SLC2A13: variants seen among roughly 807,000 people sequenced by gnomAD.
The protein encoded by SLC2A13 is proton myo-inositol cotransporter.
A neutral mutation model predicts 64.4 loss-of-function variants in SLC2A13; 32 were observed. The ratio of observed to expected loss-of-function variants is 0.50; its 90% CI spans 0.37 to 0.67. The LOEUF is 0.67. Among genes scored for constraint, SLC2A13 ranks in the 30% least tolerant of loss-of-function variants. The pLI, the probability that SLC2A13 is intolerant of heterozygous loss-of-function variation, is 0.00. For synonymous variants in SLC2A13, 338 were observed against 327.1 expected (o/e 1.03, Z -0.36); for missense variants, 743 against 829.2 (o/e 0.90, Z 1.28).
intron 1 of SLC2A13, among the ~76,000 whole-genome samples, chr12:40,060,924 C>T (rs999491756): frequency 6.6e-6 from 1 of 152,038 alleles, no homozygotes; most frequent in Non-Finnish European, 1.5e-5. Flanking sequence ...AATCAAAAGA[C>T]ATGACAACAA....
chr12:40,084,510 C>T (rs1938527144), intron 1 of SLC2A13, among the ~76,000 whole-genome samples: 1 of 152,184 alleles, frequency 6.6e-6, no homozygotes, highest in South Asian at 2.1e-4. Context: ...CAAAATTCAA[C>T]CTAAGTCAGG....
chr12:40,045,906 A>T (rs1948164734), intron 2 of SLC2A13, among the ~76,000 whole-genome samples: 1 of 152,056 alleles, frequency 6.6e-6, no homozygotes, highest in South Asian at 2.1e-4. Context: ...TTTTTTCTCT[A>T]GTCTTCTGCC....
chr12:39,842,315 A>G lies in SLC2A13; in HGVS notation c.1320-12087T>C, dbSNP rs79376134. Among the ~76,000 whole-genome samples, 704 of 152,204 alleles carry G rather than the reference A, an allele frequency of 4.6e-3. 11 individuals carry two copies. The highest frequency in any genetic ancestry group is 0.016 in the African/African-American group (662 of 41,566). ...AAGTATGCAGGAGCATTCCTGTTTC[A>G]CAGATGAAGAAAACAAAGCTTGGAA... On this transcript the variant is annotated intron_variant, in intron 6 of 9. Coordinates refer to ENST00000280871, the MANE Select transcript of SLC2A13 (RefSeq NM_052885.4).
At chr12:39,802,984 C>A in intron 7 of SLC2A13, among the ~76,000 whole-genome samples, 1 of 152,062 alleles carries the variant, frequency 6.6e-6, no homozygotes, top group African/African-American at 2.4e-5. Context: ...GAAAAGAGGC[C>A]TCACTAGAGG....
At chr12:39,838,506 T>TAAA (rs5797639) in intron 6 of SLC2A13, among the ~76,000 whole-genome samples, 433 of 142,332 alleles carry the variant, frequency 3.0e-3, no homozygotes, top group African/African-American at 0.011. Flanking sequence ...AAAAATAAAT[T>TAAA]AAAAAAAAAA....
chr12:39,960,659 G>A (rs1417564112), intron 3 of SLC2A13, among the ~76,000 whole-genome samples: 2 of 151,654 alleles, frequency 1.3e-5, no homozygotes, highest in African/African-American at 2.4e-5. Context: ...GATTACAGGC[G>A]TGAGCCACCG....
chr12:40,028,509 C>G lies in SLC2A13; in HGVS notation c.717G>C (p.Arg239Ser), dbSNP rs780277498. The G allele has an allele frequency of 1.2e-6, 2 of 1,611,450 alleles. No individual in the cohort carries two copies. Among genetic ancestry groups the G allele is most frequent in the Non-Finnish European group, 1.7e-6 (2 of 1,179,234 alleles). Residue 239 changes from arginine to serine, a missense_variant and splice_region_variant, in exon 3 of 10, where the codon AGG (arginine) becomes AGC (serine). By Grantham distance (110) the Arg-to-Ser change is moderately radical. Transcript: ENST00000280871. The part of the protein sequence containing the change: ...AFSYLQKDGW[R>S]YMLGLAAVPA... ...GAACTGCTGCAAGTCCCAACATGTACCTGCAAAGAAAAAAAATCCACATTT... is the reference window on the plus strand; with the variant it reads ...GAACTGCTGCAAGTCCCAACATGTAGCTGCAAAGAAAAAAAATCCACATTT...
At chr12:40,059,509 C>T (rs575843228) in intron 1 of SLC2A13, among the ~76,000 whole-genome samples, 2 of 152,270 alleles carry the variant, frequency 1.3e-5, no homozygotes, top group South Asian at 4.1e-4. Context: ...GCTAGAGCAG[C>T]TCACAGAACT....
Position 39,843,638 on chromosome 12 carries a change from A to T in SLC2A13, c.1320-13410T>A, listed in dbSNP as rs540534017. 4.7e-4 allele frequency among the ~76,000 whole-genome samples: 72 copies of T among 152,190 alleles called. No homozygotes were observed. The South Asian group carries it at 0.015, about 31-fold the overall frequency. On this transcript the variant is annotated intron_variant, in intron 6 of 9. Coordinates refer to ENST00000280871, the MANE Select transcript of SLC2A13 (RefSeq NM_052885.4). ...TGAAATAATAGTTGTAGGCCAAAGC[A>T]TTTATTGCTAGTGCTCAACTCTCCA... is the stretch of plus-strand genomic sequence containing the variant.
Position 40,011,502 on chromosome 12 carries a change from G to A in SLC2A13, c.925+16799C>T, listed in dbSNP as rs578572. On this transcript the variant is annotated intron_variant, in intron 3 of 9. Coordinates refer to ENST00000280871, the MANE Select transcript of SLC2A13 (RefSeq NM_052885.4). ...TCCTTCAAGTTTTATTTTAGATTCA[G>A]GGGATACATGTGCAGGTTTGTTACA... Among the ~76,000 whole-genome samples, 213 of 152,294 alleles carry A rather than the reference G, an allele frequency of 1.4e-3. 1 individual carries two copies. The highest frequency in any genetic ancestry group is 4.9e-3 in the African/African-American group (203 of 41,562).
chr12:39,944,559 T>C (rs1361805720), intron 4 of SLC2A13, among the ~76,000 whole-genome samples: 1 of 152,216 alleles, frequency 6.6e-6, no homozygotes, highest in Non-Finnish European at 1.5e-5. Context: ...ATTGTGATAT[T>C]TTACTGTTGG....
chr12:40,012,257 T>C (rs936431510), intron 3 of SLC2A13, among the ~76,000 whole-genome samples: 2 of 152,226 alleles, frequency 1.3e-5, no homozygotes, highest in African/African-American at 4.8e-5. Context: ...TTGTGTTTTA[T>C]TGGAAACAAC....
At chr12:40,067,000 C>T (rs143239057) in intron 1 of SLC2A13, among the ~76,000 whole-genome samples, 2 of 152,102 alleles carry the variant, frequency 1.3e-5, no homozygotes. Context: ...ATAGACAGAA[C>T]ATGTTTGAAT....
At chr12:39,829,761 A>G in intron 7 of SLC2A13, 1 of 261,566 alleles carries the variant, frequency 3.8e-6, no homozygotes, top group Non-Finnish European at 7.5e-6. Flanking sequence ...TTCATTTAAA[A>G]GCTTGGGAGT....
intron 3 of SLC2A13, among the ~76,000 whole-genome samples, chr12:39,970,400 GT>G (rs1352934911): frequency 2.0e-5 from 3 of 152,030 alleles, no homozygotes; most frequent in Admixed American, 1.3e-4. Flanking sequence ...ACTCTACTTG[GT>G]AATACCAACA....
intron 6 of SLC2A13, among the ~76,000 whole-genome samples, chr12:39,864,547 C>G (rs1258974936): frequency 6.6e-6 from 1 of 152,038 alleles, no homozygotes; most frequent in Non-Finnish European, 1.5e-5. Context: ...GTCTAACAAC[C>G]CACTCTCTCC....
intron 4 of SLC2A13, among the ~76,000 whole-genome samples, chr12:39,938,548 TA>T (rs1263628620): frequency 1.3e-5 from 2 of 152,110 alleles, no homozygotes; most frequent in African/African-American, 4.8e-5. Flanking sequence ...CAGATTCCTG[TA>T]ACAGGACAAA....
intron 7 of SLC2A13, among the ~76,000 whole-genome samples, chr12:39,768,962 C>A (rs1466586111): frequency 1.3e-5 from 2 of 152,070 alleles, no homozygotes; most frequent in East Asian, 3.9e-4. Context: ...TCACTAGCCT[C>A]TAGAATCCAT....
intron 4 of SLC2A13, 61 bp downstream of exon 4, chr12:39,951,196 A>G: frequency 7.0e-7 from 1 of 1,426,198 alleles, no homozygotes; most frequent in Non-Finnish European, 9.8e-7. Flanking sequence ...ACTTTTCACT[A>G]TTTCACATAA....
Sources: gnomAD v4.1 joint callset for allele counts (sites outside exome capture counted in the v4.1 genomes callset) on GRCh38, gnomAD v4.1.1 for gene constraint, MANE v1.5 for transcripts, NCBI Gene and HGNC (gene_info 2026-07-23, HGNC 2026-07-21) for gene names.